The following ANKRD45 variants were observed in gnomAD, a reference collection of about 807,000 sequenced individuals.
ANKRD45 encodes ankyrin repeat domain-containing protein 45.
Under a neutral mutation model 28.1 loss-of-function variants are expected in ANKRD45, and 21 were observed. That is an observed-to-expected ratio of 0.75 (90% confidence interval 0.53 to 1.08). The LOEUF is 1.08. Ranked by LOEUF, ANKRD45 falls within the 50% of genes least tolerant of loss-of-function variation. The pLI is 0.00. For missense variants in ANKRD45, 261 were observed against 308.7 expected (o/e 0.85, Z 1.16); for synonymous variants, 86 against 103.9 (o/e 0.83, Z 1.05).
At chr1:173,640,023 C>T (rs1310652307) in intron 3 of ANKRD45, among the ~76,000 whole-genome samples, 1 of 152,118 alleles carries the variant, frequency 6.6e-6, no homozygotes, top group Non-Finnish European at 1.5e-5. Context: ...CTTTAAAGAA[C>T]CATTTAACCA....
chr1:173,667,236 T>A (rs1670063024), intron 1 of ANKRD45, among the ~76,000 whole-genome samples: 1 of 152,238 alleles, frequency 6.6e-6, no homozygotes, highest in Admixed American at 6.5e-5. Flanking sequence ...GAATGACTGC[T>A]TTTCTTCTTT....
At chr1:173,634,908 C>G (rs1178725583) in intron 3 of ANKRD45, among the ~76,000 whole-genome samples, 1 of 151,834 alleles carries the variant, frequency 6.6e-6, no homozygotes, top group Non-Finnish European at 1.5e-5. Context: ...AAGGGACAGG[C>G]ACTCAATATT....
chr1:173,636,483 T>TATTA (rs1668448803), intron 3 of ANKRD45, among the ~76,000 whole-genome samples: 1 of 152,204 alleles, frequency 6.6e-6, no homozygotes, highest in Non-Finnish European at 1.5e-5. Context: ...TTAAAATGAC[T>TATTA]ATTACTTTAT....
At chr1:173,662,890 AT>A (rs1419691870) in intron 1 of ANKRD45, among the ~76,000 whole-genome samples, 6 of 152,146 alleles carry the variant, frequency 3.9e-5, no homozygotes, top group African/African-American at 1.4e-4. Context: ...GTAGACAGGG[AT>A]TGGAAATGGG....
At chr1:173,708,183 A>G in the ANKRD45 span, among the ~76,000 whole-genome samples, 1 of 152,204 alleles carries the variant, frequency 6.6e-6, no homozygotes, top group Non-Finnish European at 1.5e-5. Context: ...CTAGTTCTGT[A>G]AAAACTCTGA....
At chr1:173,709,486 T>C in the ANKRD45 span, among the ~76,000 whole-genome samples, 1 of 152,122 alleles carries the variant, frequency 6.6e-6, no homozygotes, top group African/African-American at 2.4e-5. Flanking sequence ...CATTTGTTAG[T>C]CACTAGGTTC....
intron 1 of ANKRD45, among the ~76,000 whole-genome samples, chr1:173,660,096 A>C (rs1302918352): frequency 6.6e-6 from 1 of 151,956 alleles, no homozygotes; most frequent in Non-Finnish European, 1.5e-5. Context: ...TTTTTTTTTC[A>C]CAACAGACAG....
At chr1:173,612,170 G>C (rs972040099) in intron 5 of ANKRD45, among the ~76,000 whole-genome samples, 1 of 152,050 alleles carries the variant, frequency 6.6e-6, no homozygotes, top group African/African-American at 2.4e-5. Flanking sequence ...CTTGGGCCCA[G>C]GGAGGTTGAG....
At chr1:173,658,223 C>T in intron 2 of ANKRD45, 1 of 200,120 alleles carries the variant, frequency 5.0e-6, no homozygotes, top group Non-Finnish European at 1.1e-5. Context: ...ACTCAGGAAG[C>T]TAAGGTGTGA....
chr1:173,707,728 G>T, the ANKRD45 span, among the ~76,000 whole-genome samples: 1 of 152,096 alleles, frequency 6.6e-6, no homozygotes, highest in Non-Finnish European at 1.5e-5. Context: ...TGATTGATGT[G>T]GGGTATAAAG....
chr1:173,700,761 G>C, the ANKRD45 span, among the ~76,000 whole-genome samples: 2 of 152,236 alleles, frequency 1.3e-5, no homozygotes, highest in South Asian at 4.1e-4. Flanking sequence ...CATAGGCATG[G>C]GTAAGGACTT....
intron 1 of ANKRD45, among the ~76,000 whole-genome samples, chr1:173,664,442 C>A (rs549842421): frequency 1.3e-5 from 2 of 152,266 alleles, no homozygotes; most frequent in African/African-American, 4.8e-5. Context: ...AGCCATGAGA[C>A]CTTGAAGATA....
the ANKRD45 span, among the ~76,000 whole-genome samples, chr1:173,691,225 G>A: frequency 6.6e-6 from 1 of 152,138 alleles, no homozygotes; most frequent in South Asian, 2.1e-4. Flanking sequence ...CTAGGTTGCT[G>A]GCCAGTTTTT....
chr1:173,701,779 C>T, the ANKRD45 span, among the ~76,000 whole-genome samples: 1 of 151,832 alleles, frequency 6.6e-6, no homozygotes, highest in East Asian at 1.9e-4. Context: ...CAAACCTGCA[C>T]ATTGTGCACA....
the ANKRD45 span, among the ~76,000 whole-genome samples, chr1:173,701,901 C>T: frequency 0.063 from 9,547 of 151,480 alleles, 969 homozygotes; most frequent in African/African-American, 0.21. Flanking sequence ...TTTTATGATT[C>T]GAAGCTCACA....
the ANKRD45 span, among the ~76,000 whole-genome samples, chr1:173,691,102 G>A: frequency 1.1e-4 from 16 of 152,080 alleles, no homozygotes; most frequent in Admixed American, 7.2e-4. Flanking sequence ...CACCCCCCAC[G>A]GCTTTCTTAC....
At chr1:173,713,461 C>T in the ANKRD45 span, among the ~76,000 whole-genome samples, 1 of 152,150 alleles carries the variant, frequency 6.6e-6, no homozygotes, top group South Asian at 2.1e-4. Flanking sequence ...AATGAGAGAC[C>T]ACCAGACAAC....
chr1:173,619,770 G>A (rs1312930368), intron 5 of ANKRD45, among the ~76,000 whole-genome samples: 4 of 151,198 alleles, frequency 2.6e-5, no homozygotes, highest in African/African-American at 7.3e-5. Context: ...GAAGTTTGCA[G>A]TAAGCCGAGA....
the ANKRD45 span, among the ~76,000 whole-genome samples, chr1:173,713,171 A>G: frequency 6.6e-6 from 1 of 152,262 alleles, no homozygotes; most frequent in Non-Finnish European, 1.5e-5. Flanking sequence ...AAAATTTTCA[A>G]TAAGATCACA....
Sources: gnomAD v4.1 joint callset for allele counts (sites outside exome capture counted in the v4.1 genomes callset) on GRCh38, gnomAD v4.1.1 for gene constraint, MANE v1.5 for transcripts, NCBI Gene and HGNC (gene_info 2026-07-23, HGNC 2026-07-21) for gene names.